Variants in TBC1D14 observed in about 807,000 individuals in gnomAD.
TBC1D14 encodes the protein TBC1 domain family, member 14.
A neutral mutation model predicts 79.0 loss-of-function variants in TBC1D14; 26 were observed. That is an observed-to-expected ratio of 0.33 (90% CI 0.24 to 0.46). TBC1D14 has a LOEUF of 0.46. TBC1D14 is among the 20% of genes least tolerant of loss of function. TBC1D14 has a pLI of 1.00. For missense variants in TBC1D14, 769 were observed against 887.6 expected (o/e 0.87, Z 1.70); for synonymous variants, 394 against 349.9 (o/e 1.13, Z -1.40).
chr4:6,980,655 GA>G (rs1464184259), intron 3 of TBC1D14, among the ~76,000 whole-genome samples: 1 of 148,822 alleles, frequency 6.7e-6, no homozygotes, highest in East Asian at 1.9e-4. Flanking sequence ...CAAAAGGAAT[GA>G]AAAAAGGGGA....
At chr4:7,028,429 G>GTT (rs766271829) in intron 13 of TBC1D14, among the ~76,000 whole-genome samples, 38 of 149,382 alleles carry the variant, frequency 2.5e-4, no homozygotes, top group South Asian at 1.5e-3. Flanking sequence ...TCAGTTTTTT[G>GTT]TTTGTTTTTT....
At position 6,978,478 on chromosome 4, in the gene TBC1D14, A is replaced by C. The variant is rs1232235114; in HGVS notation, c.843+11054A>C. 1.5e-4 allele frequency among the ~76,000 whole-genome samples: 23 copies of C among 150,090 alleles called. No homozygotes were observed. In the East Asian group the frequency reaches 1.6e-3, roughly 10 times the overall value. On this transcript the variant is annotated intron_variant, in intron 3 of 13. Coordinates refer to ENST00000409757, the MANE Select transcript of TBC1D14 (RefSeq NM_020773.3). ...GCTCTCTGAAACATGTGCTGTGTCC[A>C]CTCAGGGTTGAATGGATTAAGGGCG...
At chr4:6,971,272 A>G (rs1041075841) in intron 3 of TBC1D14, among the ~76,000 whole-genome samples, 1 of 152,184 alleles carries the variant, frequency 6.6e-6, no homozygotes, top group Non-Finnish European at 1.5e-5. Flanking sequence ...ACTAAGGGAT[A>G]ATGCGCATGT....
At chr4:7,006,841 G>A in intron 9 of TBC1D14, 115 bp downstream of exon 9, 1 of 781,452 alleles carries the variant, frequency 1.3e-6, no homozygotes, top group Non-Finnish European at 2.1e-6. Context: ...GGGGTGTTAG[G>A]AGGTAGGGTG....
At chr4:6,919,455 C>G (rs775239710) in intron 1 of TBC1D14, among the ~76,000 whole-genome samples, 6 of 151,690 alleles carry the variant, frequency 4.0e-5, no homozygotes, top group Non-Finnish European at 7.4e-5. Flanking sequence ...TATAATTTCA[C>G]TTTTGTATTA....
intron 12 of TBC1D14, among the ~76,000 whole-genome samples, chr4:7,016,964 C>T (rs906069431): frequency 1.3e-5 from 2 of 152,188 alleles, no homozygotes; most frequent in Non-Finnish European, 2.9e-5. Flanking sequence ...CTTGGAACAA[C>T]CTCTCCAAGC....
intron 6 of TBC1D14, among the ~76,000 whole-genome samples, chr4:7,000,722 G>A (rs910584708): frequency 2.6e-5 from 4 of 152,194 alleles, no homozygotes; most frequent in African/African-American, 9.6e-5. Context: ...CTCTCTGCTG[G>A]GGTCTGCTTC....
intron 8 of TBC1D14, among the ~76,000 whole-genome samples, chr4:7,005,396 G>C (rs1165767692): frequency 6.6e-6 from 1 of 152,210 alleles, no homozygotes; most frequent in African/African-American, 2.4e-5. Flanking sequence ...TTAGCCAGGT[G>C]TGGTGGTGGG....
At position 6,967,436 on chromosome 4, in the gene TBC1D14, A is replaced by G. The variant is rs62289166; in HGVS notation, c.843+12A>G. The G allele has an allele frequency of 0.14, 226,901 of 1,609,564 alleles. 17,211 individuals carry two copies. Among genetic ancestry groups the G allele is most frequent in the Middle Eastern group, 0.2 (1,213 of 6,030 alleles). On this transcript the variant is annotated intron_variant, in intron 3 of 13. Transcript: ENST00000409757. Reference sequence around the variant, plus strand: ...AGAGAATACAGAAGGTACACAAGATACAAAATCACAGAAATAGGCTGTTGG... The same window carrying G: ...AGAGAATACAGAAGGTACACAAGATGCAAAATCACAGAAATAGGCTGTTGG...
chr4:6,923,625 T>TACCCTGC lies in TBC1D14; in HGVS notation c.238_244dup (p.Ser82ThrfsTer37), dbSNP rs1249998566. 2 of 1,613,848 alleles carry TACCCTGC rather than the reference T, an allele frequency of 1.2e-6. No homozygotes were observed. The highest frequency in any genetic ancestry group is 1.7e-6 in the Non-Finnish European group (2 of 1,180,028). ...CTGGAGATCGGGAACCCGGAGCCTG[T>TACCCTGC]ACCCTGCAGCGCGGTCCACGTGAGG... On this transcript the variant is annotated frameshift_variant, in exon 2 of 14. Coordinates refer to ENST00000409757, the MANE Select transcript of TBC1D14 (RefSeq NM_020773.3). LOFTEE classifies it high-confidence loss of function.
Position 7,004,948 on chromosome 4 carries a change from G to A in TBC1D14, c.1351+24G>A, listed in dbSNP as rs777815049. ...AGGTAGAATGTCTTCTAAAACCAGC[G>A]GACTGCTGTGGTCAATTATGTTTGT... On this transcript the variant is annotated intron_variant, in intron 8 of 13. Coordinates refer to ENST00000409757, the MANE Select transcript of TBC1D14 (RefSeq NM_020773.3). 28 of 1,594,056 alleles carry A rather than the reference G, an allele frequency of 1.8e-5. No individual in the cohort carries two copies. In the South Asian group the frequency reaches 2.0e-4, roughly 11 times the overall value.
At chr4:6,953,749 G>A (rs573707381) in intron 2 of TBC1D14, among the ~76,000 whole-genome samples, 3 of 152,232 alleles carry the variant, frequency 2.0e-5, no homozygotes, top group South Asian at 2.1e-4. Flanking sequence ...GGAATCCAGA[G>A]CGATGGTTCT....
intron 2 of TBC1D14, among the ~76,000 whole-genome samples, chr4:6,925,245 C>G (rs573468923): frequency 1.3e-5 from 2 of 152,228 alleles, no homozygotes; most frequent in Middle Eastern, 3.4e-3. Context: ...CCAGCCTGGG[C>G]GACAGAATGA....
chr4:7,024,993 T>C lies in TBC1D14; in HGVS notation c.1758-11T>C. The C allele has an allele frequency of 1.2e-6, 2 of 1,611,748 alleles. No individual in the cohort carries two copies. The highest frequency in any genetic ancestry group is 1.7e-6 in the Non-Finnish European group (2 of 1,178,286). On this transcript the variant is annotated splice_polypyrimidine_tract_variant and intron_variant, in intron 12 of 13. Transcript: ENST00000409757. ...TTCAAAATCTGAAAAATTCCAACTT[T>C]TACCCCCTAGGATCTTTACCTTATA...
chr4:6,928,843 G>C (rs1724489359), intron 2 of TBC1D14, among the ~76,000 whole-genome samples: 2 of 152,232 alleles, frequency 1.3e-5, no homozygotes, highest in East Asian at 3.9e-4. Flanking sequence ...GGGTTGTTGG[G>C]ATTAAATGGG....
chr4:6,936,335 G>C (rs1397421981), intron 2 of TBC1D14, among the ~76,000 whole-genome samples: 2 of 152,080 alleles, frequency 1.3e-5, no homozygotes, highest in African/African-American at 2.4e-5. Context: ...CCTTACCCCT[G>C]GAAACTACTG....
At chr4:7,003,260 C>T (rs981799128) in intron 7 of TBC1D14, among the ~76,000 whole-genome samples, 3 of 152,176 alleles carry the variant, frequency 2.0e-5, no homozygotes, top group African/African-American at 7.2e-5. Flanking sequence ...CATTAAACCC[C>T]GAGGCTGGCA....
At chr4:7,016,296 A>G (rs149921295) in intron 12 of TBC1D14, among the ~76,000 whole-genome samples, 3 of 152,332 alleles carry the variant, frequency 2.0e-5, no homozygotes, top group African/African-American at 4.8e-5. Flanking sequence ...CTGCCTGGCT[A>G]TACTGGGTAG....
intron 3 of TBC1D14, among the ~76,000 whole-genome samples, chr4:6,977,897 C>CCGCCCT: frequency 6.6e-6 from 1 of 151,508 alleles, no homozygotes; most frequent in African/African-American, 2.4e-5. Flanking sequence ...CCTGCCGCCC[C>CCGCCCT]GTCTGGGATG....
Sources: gnomAD v4.1 joint callset for allele counts (sites outside exome capture counted in the v4.1 genomes callset) on GRCh38, gnomAD v4.1.1 for gene constraint, MANE v1.5 for transcripts, NCBI Gene and HGNC (gene_info 2026-07-23, HGNC 2026-07-21) for gene names.